Variants in AKAP7 observed in about 807,000 individuals in gnomAD.
The protein encoded by AKAP7 is A kinase (PRKA) anchor protein 7.
In AKAP7, 39 loss-of-function variants were observed where a neutral mutation model predicts 39.5. That is an observed-to-expected ratio of 0.99 (90% CI 0.76 to 1.29). The LOEUF (loss-of-function observed/expected upper bound fraction) is 1.29. AKAP7 is among the 50% of genes most tolerant of loss of function. The probability of loss-of-function intolerance (pLI) is 0.00; values close to 1 mark genes in which losing one functional copy is unlikely to be tolerated. For synonymous variants in AKAP7, 140 were observed against 139.1 expected, an observed-to-expected ratio of 1.01 and a Z score of -0.05; for missense variants, 414 against 407.7, an observed-to-expected ratio of 1.02 and a Z score of -0.13.
chr6:131,168,594 CTTGTA>C, intron 4 of AKAP7, among the ~76,000 whole-genome samples: 1 of 152,152 alleles, frequency 6.6e-6, no homozygotes, highest in East Asian at 1.9e-4. Context: ...TATAATTAAA[CTTGTA>C]TTTTATTTGA....
At chr6:131,250,136 T>TG in intron 7 of AKAP7, 1 of 980,260 alleles carries the variant, frequency 1.0e-6, no homozygotes, top group Non-Finnish European at 1.2e-6. Flanking sequence ...ATGGTTTTTT[T>TG]GGGGGTTTGA....
chr6:131,159,145 C>G (rs1042308840), intron 2 of AKAP7, among the ~76,000 whole-genome samples: 15 of 151,998 alleles, frequency 9.9e-5, no homozygotes, highest in South Asian at 6.2e-4. Flanking sequence ...CCAGGCTGGA[C>G]TGCAGTGGCG....
At chr6:131,217,095 A>C (rs1236798205) in intron 6 of AKAP7, among the ~76,000 whole-genome samples, 1 of 152,142 alleles carries the variant, frequency 6.6e-6, no homozygotes, top group East Asian at 1.9e-4. Flanking sequence ...GCCTATGATG[A>C]AGGGAAGCAG....
chr6:131,128,055 C>T, the AKAP7 span, among the ~76,000 whole-genome samples: 34,950 of 151,994 alleles, frequency 0.23, 4,702 homozygotes, highest in Non-Finnish European at 0.29. Context: ...GGGAGAGGAT[C>T]GGAAAAAGTA....
At chr6:131,230,405 G>A (rs745428435) in intron 7 of AKAP7, among the ~76,000 whole-genome samples, 9 of 152,112 alleles carry the variant, frequency 5.9e-5, no homozygotes, top group Admixed American at 2.0e-4. Flanking sequence ...CTTTTGAGAA[G>A]TATCTGTTCA....
intron 5 of AKAP7, among the ~76,000 whole-genome samples, chr6:131,182,641 A>G (rs968969910): frequency 6.6e-6 from 1 of 152,224 alleles, no homozygotes; most frequent in Non-Finnish European, 1.5e-5. Context: ...CCTTGAGTTC[A>G]GATCTTTTGG....
chr6:131,270,938 G>A (rs566078437), intron 7 of AKAP7, among the ~76,000 whole-genome samples: 1 of 152,146 alleles, frequency 6.6e-6, no homozygotes, highest in Non-Finnish European at 1.5e-5. Context: ...TTACTGTTAA[G>A]TAGTAAGAGT....
chr6:131,207,517 T>TTTTTTTTTTTTTTTG (rs1367120493), intron 6 of AKAP7, among the ~76,000 whole-genome samples: 1 of 141,564 alleles, frequency 7.1e-6, no homozygotes, highest in African/African-American at 2.7e-5. Flanking sequence ...TTTTTTTTTT[T>TTTTTTTTTTTTTTTG]AGATATGGGG....
At chr6:131,160,994 C>CG (rs1444665338) in intron 3 of AKAP7, among the ~76,000 whole-genome samples, 2 of 47,038 alleles carry the variant, frequency 4.3e-5, no homozygotes, top group Admixed American at 1.6e-4. Context: ...CCCTTTGGCC[C>CG]AATTACGAGC....
At position 131,282,209 on chromosome 6, in the gene AKAP7, G is replaced by A. The variant is rs141750055; in HGVS notation, c.*483G>A. 9.9e-4 allele frequency: 1,289 copies of A among 1,305,886 alleles called. 12 individuals are homozygous for A. The African/African-American group carries it at 0.018, about 18-fold the overall frequency. The allele number at this position is 1,305,886 out of a possible 1,614,324, so 80.9% of individuals were successfully genotyped here. ...CCATAATGTTTCATGTTTGTCCTAA[G>A]TGTGCTGTTGCTATGCAGTGTGATC... On this transcript the variant is annotated 3_prime_UTR_variant, in exon 8 of 8. Transcript: ENST00000431975.
intron 7 of AKAP7, among the ~76,000 whole-genome samples, chr6:131,270,837 C>G (rs1388347024): frequency 1.3e-5 from 2 of 152,070 alleles, no homozygotes; most frequent in African/African-American, 4.8e-5. Context: ...TGTTGAATGT[C>G]TTTTTACATG....
At chr6:131,276,858 G>A (rs1432785314) in intron 7 of AKAP7, among the ~76,000 whole-genome samples, 1 of 152,004 alleles carries the variant, frequency 6.6e-6, no homozygotes, top group Admixed American at 6.6e-5. Context: ...ACTGGCAATG[G>A]GCAGGGTGTG....
chr6:131,211,730 G>A (rs1304752428), intron 6 of AKAP7, among the ~76,000 whole-genome samples: 4 of 132,462 alleles, frequency 3.0e-5, no homozygotes, highest in Non-Finnish European at 4.6e-5. Context: ...CCGAGATCAC[G>A]CCACTGCACT....
the AKAP7 span, among the ~76,000 whole-genome samples, chr6:131,129,443 G>A: frequency 7.9e-5 from 12 of 152,070 alleles, no homozygotes; most frequent in Non-Finnish European, 1.2e-4. Flanking sequence ...TGCTGCAGGA[G>A]TATGTGTTTA....
intron 7 of AKAP7, among the ~76,000 whole-genome samples, chr6:131,241,010 G>A (rs1356315410): frequency 3.3e-5 from 5 of 152,284 alleles, no homozygotes; most frequent in South Asian, 4.1e-4. Flanking sequence ...CTTCTGCGTC[G>A]CTCACGCTGG....
At chr6:131,130,066 T>C in the AKAP7 span, among the ~76,000 whole-genome samples, 1 of 152,198 alleles carries the variant, frequency 6.6e-6, no homozygotes, top group African/African-American at 2.4e-5. Context: ...TAGTAGTTCC[T>C]GAAAGTCAGA....
intron 6 of AKAP7, among the ~76,000 whole-genome samples, chr6:131,210,887 T>A (rs1035923658): frequency 1.3e-5 from 2 of 152,204 alleles, no homozygotes; most frequent in African/African-American, 4.8e-5. Context: ...TCACCCTCCC[T>A]GACCTACCCT....
At chr6:131,136,094 C>T (rs1235579909) in intron 1 of AKAP7, among the ~76,000 whole-genome samples, 1 of 152,192 alleles carries the variant, frequency 6.6e-6, no homozygotes, top group Non-Finnish European at 1.5e-5. Flanking sequence ...AAAGTTCATG[C>T]CAGTACACAT....
chr6:131,198,592 G>A (rs180859999), intron 5 of AKAP7, among the ~76,000 whole-genome samples: 1 of 152,224 alleles, frequency 6.6e-6, no homozygotes, highest in East Asian at 1.9e-4. Flanking sequence ...AGGCAAGACT[G>A]TTCTTTTTAC....
Sources: allele counts gnomAD v4.1 joint callset (sites outside exome capture counted in the v4.1 genomes callset), GRCh38; gene constraint gnomAD v4.1.1; transcripts MANE v1.5; gene names NCBI Gene and HGNC (gene_info 2026-07-23, HGNC 2026-07-21).